The following PPARGC1B variants were observed in gnomAD, a reference collection of about 807,000 sequenced individuals.
PPARGC1B encodes peroxisome proliferator-activated receptor gamma coactivator 1-beta.
In PPARGC1B, 34 loss-of-function variants were observed where a neutral mutation model predicts 101.6. The ratio of observed to expected loss-of-function variants is 0.33; its 90% CI spans 0.25 to 0.45. PPARGC1B has a LOEUF of 0.45. PPARGC1B is among the 20% of genes least tolerant of loss of function. The pLI is 1.00. For missense variants in PPARGC1B, 1,234 were observed against 1,317.6 expected (o/e 0.94, Z 0.98); for synonymous variants, 548 against 539.3 (o/e 1.02, Z -0.22).
intron 1 of PPARGC1B, among the ~76,000 whole-genome samples, chr5:149,816,870 G>A (rs918374249): frequency 1.3e-5 from 2 of 152,132 alleles, no homozygotes; most frequent in African/African-American, 2.4e-5. Flanking sequence ...CCCACCACCT[G>A]TCCCCTCCTG....
chr5:149,787,884 A>C (rs1260815707), intron 1 of PPARGC1B, among the ~76,000 whole-genome samples: 1 of 152,230 alleles, frequency 6.6e-6, no homozygotes, highest in Non-Finnish European at 1.5e-5. Context: ...AATGACTGTC[A>C]AAACTGGATC....
At chr5:149,828,324 T>G (rs577612786) in intron 3 of PPARGC1B, among the ~76,000 whole-genome samples, 4 of 152,334 alleles carry the variant, frequency 2.6e-5, no homozygotes, top group African/African-American at 7.2e-5. Context: ...TGCCATTTAG[T>G]ACTTGTATGT....
chr5:149,762,597 G>A (rs1395705898), intron 1 of PPARGC1B, among the ~76,000 whole-genome samples: 1 of 152,234 alleles, frequency 6.6e-6, no homozygotes, highest in Admixed American at 6.5e-5. Context: ...AGGGATTTTA[G>A]AGGGTGTGTT....
At chr5:149,826,990 C>A (rs867012655) in intron 3 of PPARGC1B, 105 bp downstream of exon 3, 1 of 874,852 alleles carries the variant, frequency 1.1e-6, no homozygotes, top group Non-Finnish European at 1.8e-6. Context: ...CAGGGGACTC[C>A]GTGCATCACT....
In PPARGC1B at chr5:149,833,345, C is replaced by T. The variant is rs776970869; in HGVS notation, c.1272C>T (p.Ala424=). The T allele has an allele frequency of 6.2e-7, 1 of 1,613,420 alleles. No individual in the cohort carries two copies. The highest frequency in any genetic ancestry group is 2.2e-5 in the East Asian group (1 of 44,872). Residue 424 remains alanine (A), a synonymous_variant, in exon 5 of 12, where the codon GCC becomes GCT. Transcript: ENST00000309241. The surrounding 1 kb of genome is among the most constrained non-coding windows in gnomAD (Gnocchi z 4.1). ...LEVKREVRRP[A]RLQQQEEEDE... ...TGAAAAGGGAGGTCCGCCGGCCTGC[C>T]AGACTGCAGCAGCAGGAGGAGGAAG... is the stretch of plus-strand genomic sequence containing the variant.
At chr5:149,785,590 C>T (rs1018509408) in intron 1 of PPARGC1B, among the ~76,000 whole-genome samples, 82 of 152,350 alleles carry the variant, frequency 5.4e-4, no homozygotes, top group African/African-American at 2.0e-3. Flanking sequence ...TTATAGAGAG[C>T]CTGCTGTGCG....
intron 1 of PPARGC1B, among the ~76,000 whole-genome samples, chr5:149,762,071 G>A (rs535607154): frequency 1.3e-5 from 2 of 152,096 alleles, no homozygotes; most frequent in African/African-American, 4.8e-5. Context: ...GTTCTCCTGG[G>A]GACCTGTGTG....
chr5:149,784,556 G>GTTTTTTTTTTTTTTT (rs1561535294), intron 1 of PPARGC1B, among the ~76,000 whole-genome samples: 2 of 111,644 alleles, frequency 1.8e-5, no homozygotes, highest in Non-Finnish European at 3.7e-5. Context: ...AGCCAACTGA[G>GTTTTTTTTTTTTTTT]TTTCTTTTTT....
Position 149,836,363 on chromosome 5 carries a change from C to T in PPARGC1B, c.1908C>T (p.Leu636=), listed in dbSNP as rs1561620481. 1.2e-6 allele frequency: 2 copies of T among 1,614,110 alleles called. No individual in the cohort carries two copies. Among genetic ancestry groups the T allele is most frequent in the African/African-American group, 1.3e-5 (1 of 75,038 alleles). Residue 636 remains leucine (L), a synonymous_variant, in exon 8 of 12, where the codon CTC becomes CTT. Coordinates refer to ENST00000309241, the MANE Select transcript of PPARGC1B (RefSeq NM_133263.4). ...TAGGCAAAGAAATAGCTCTCAGCCTCCCCTCCCCTGAGGGCCTCTCACTCA... is the reference window on the plus strand; with the variant it reads ...TAGGCAAAGAAATAGCTCTCAGCCTTCCCTCCCCTGAGGGCCTCTCACTCA... The part of the protein sequence containing the change: ...HSLGKEIALS[L]PSPEGLSLKA...
intron 1 of PPARGC1B, among the ~76,000 whole-genome samples, chr5:149,751,793 T>C (rs776424358): frequency 7.2e-5 from 11 of 151,994 alleles, no homozygotes; most frequent in Non-Finnish European, 1.6e-4. Flanking sequence ...AAAGGTAACA[T>C]TGTAGGTTTC....
At chr5:149,781,327 G>T (rs10476919) in intron 1 of PPARGC1B, among the ~76,000 whole-genome samples, 1 of 152,086 alleles carries the variant, frequency 6.6e-6, no homozygotes, top group South Asian at 2.1e-4. Context: ...CACCTGACAG[G>T]TTGGCTGTCC....
At chr5:149,793,479 G>T (rs1757096874) in intron 1 of PPARGC1B, among the ~76,000 whole-genome samples, 1 of 152,092 alleles carries the variant, frequency 6.6e-6, no homozygotes, top group Non-Finnish European at 1.5e-5. Flanking sequence ...TTGTGGGGAG[G>T]TGCATCACAC....
intron 4 of PPARGC1B, 44 bp downstream of exon 4, chr5:149,830,927 G>A (rs1758760389): frequency 7.3e-7 from 1 of 1,371,286 alleles, no homozygotes; most frequent in African/African-American, 1.4e-5. Flanking sequence ...GTGTCTGTTG[G>A]GGCTGCAGCC....
chr5:149,811,130 C>G (rs1757842494), intron 1 of PPARGC1B, among the ~76,000 whole-genome samples: 2 of 152,140 alleles, frequency 1.3e-5, no homozygotes, highest in African/African-American at 4.8e-5. Context: ...TCATTTTTGC[C>G]AGTCTTTTGC....
At chr5:149,755,618 A>G (rs201542306) in intron 1 of PPARGC1B, among the ~76,000 whole-genome samples, 1,154 of 5,970 alleles carry the variant, frequency 0.19, 38 homozygotes, top group Admixed American at 0.44. Context: ...TATTATTGTT[A>G]TTATTATTAT....
chr5:149,745,125 T>C (rs1352579663), intron 1 of PPARGC1B, among the ~76,000 whole-genome samples: 1 of 152,130 alleles, frequency 6.6e-6, no homozygotes, highest in Non-Finnish European at 1.5e-5. Flanking sequence ...GGTCTCGAAC[T>C]CCTAGGCTCA....
chr5:149,787,286 A>C (rs1291403913), intron 1 of PPARGC1B, among the ~76,000 whole-genome samples: 1 of 152,170 alleles, frequency 6.6e-6, no homozygotes, highest in African/African-American at 2.4e-5. Flanking sequence ...GTTGCCCAGG[A>C]CTAGGTCATG....
At chr5:149,755,017 C>A (rs1298656742) in intron 1 of PPARGC1B, among the ~76,000 whole-genome samples, 1 of 142,740 alleles carries the variant, frequency 7.0e-6, no homozygotes, top group Non-Finnish European at 1.5e-5. Flanking sequence ...TATATATATA[C>A]CCACACATAT....
In PPARGC1B at chr5:149,802,859, C is replaced by T. The variant is rs1185532306; in HGVS notation, c.79-17574C>T. ...GGTCTGGGATGAGTGTGAAGGGCTG[C>T]GGTATTTAATAAGCTCCAGGAGAGG... On this transcript the variant is annotated intron_variant, in intron 1 of 11. Coordinates refer to ENST00000309241, the MANE Select transcript of PPARGC1B (RefSeq NM_133263.4). Among the ~76,000 whole-genome samples the T allele has an allele frequency of 4.6e-5, 7 of 152,070 alleles. No homozygotes were observed. In the East Asian group the frequency reaches 7.7e-4, roughly 17 times the overall value.
Sources: allele counts gnomAD v4.1 joint callset (sites outside exome capture counted in the v4.1 genomes callset), GRCh38; gene constraint gnomAD v4.1.1; non-coding constraint Gnocchi (gnomAD v3.1); transcripts MANE v1.5; gene names NCBI Gene and HGNC (gene_info 2026-07-23, HGNC 2026-07-21).